TMTC1: variants seen among roughly 807,000 people sequenced by gnomAD.
TMTC1 encodes the protein protein O-mannosyl-transferase TMTC1.
Under a neutral mutation model 104.8 loss-of-function variants are expected in TMTC1, and 73 were observed. The observed-to-expected ratio is 0.70, with a 90% CI of 0.58 to 0.85. TMTC1 has a LOEUF of 0.85. TMTC1 is among the 40% of genes least tolerant of loss of function. The probability of loss-of-function intolerance (pLI) is 0.00; values close to 1 mark genes in which losing one functional copy is unlikely to be tolerated. For missense variants in TMTC1, 1,035 were observed against 1,096.1 expected (o/e 0.94, Z 0.79); for synonymous variants, 434 against 428.7 (o/e 1.01, Z -0.15).
chr12:29,557,088 C>A, intron 9 of TMTC1, 88 bp from the exon 10 acceptor site: 1 of 1,434,692 alleles, frequency 7.0e-7, no homozygotes, highest in African/African-American at 1.4e-5. Flanking sequence ...CAAGTATGAA[C>A]AGCCAAAATG....
intron 5 of TMTC1, among the ~76,000 whole-genome samples, chr12:29,730,252 C>T (rs115924370): frequency 0.036 from 5,468 of 152,262 alleles, 185 homozygotes; most frequent in African/African-American, 0.09. Flanking sequence ...CAAACCACTG[C>T]GTGCAGCCTA....
At chr12:29,565,686 A>C (rs1026729879) in intron 9 of TMTC1, among the ~76,000 whole-genome samples, 4 of 152,152 alleles carry the variant, frequency 2.6e-5, no homozygotes, top group Admixed American at 1.3e-4. Flanking sequence ...GCCTCTACTA[A>C]AAATTCCAAA....
At chr12:29,605,812 G>C (rs1053604114) in intron 6 of TMTC1, among the ~76,000 whole-genome samples, 1 of 152,140 alleles carries the variant, frequency 6.6e-6, no homozygotes, top group African/African-American at 2.4e-5. Context: ...CTGCCACCCA[G>C]AGAGTGAAAA....
In TMTC1 at chr12:29,691,551, A is replaced by T. The variant is rs936916693; in HGVS notation, c.939-58215T>A. Among the ~76,000 whole-genome samples the T allele has an allele frequency of 1.3e-4, 19 of 145,140 alleles. 2 individuals carry two copies. The highest frequency in any genetic ancestry group is 4.8e-4 in the African/African-American group (19 of 39,582). On this transcript the variant is annotated intron_variant, in intron 5 of 17. Coordinates refer to ENST00000539277, the MANE Select transcript of TMTC1 (RefSeq NM_001193451.2). ...CTGTCTAGGCAGCAGGCAAGGTGAA[A>T]CCCGTTGGGTGGTTACAGTGACTGT... is the stretch of plus-strand genomic sequence containing the variant.
At chr12:29,763,872 T>C (rs1943406117) in intron 2 of TMTC1, among the ~76,000 whole-genome samples, 2 of 152,114 alleles carry the variant, frequency 1.3e-5, no homozygotes, top group South Asian at 4.2e-4. Flanking sequence ...CATGGTGTGC[T>C]TCTGGAAGGG....
At chr12:29,530,656 C>T (rs1944477293) in intron 11 of TMTC1, among the ~76,000 whole-genome samples, 1 of 152,192 alleles carries the variant, frequency 6.6e-6, no homozygotes, top group African/African-American at 2.4e-5. Context: ...CCTGTCTTGC[C>T]CTTCCTCCTT....
chr12:29,694,533 ATT>A (rs58249121), intron 5 of TMTC1, among the ~76,000 whole-genome samples: 1 of 149,468 alleles, frequency 6.7e-6, no homozygotes, highest in Non-Finnish European at 1.5e-5. Context: ...TTATCTTTTA[ATT>A]TTTTTTTTTC....
chr12:29,636,001 G>C (rs746111055), intron 5 of TMTC1, among the ~76,000 whole-genome samples: 10 of 152,230 alleles, frequency 6.6e-5, no homozygotes, highest in Non-Finnish European at 8.8e-5. Flanking sequence ...AATACTGATT[G>C]GAAAGAGGCA....
At chr12:29,747,692 G>A (rs1010784119) in intron 5 of TMTC1, among the ~76,000 whole-genome samples, 19 of 152,126 alleles carry the variant, frequency 1.2e-4, no homozygotes, top group African/African-American at 4.6e-4. Context: ...AAACCCATAC[G>A]GGGAAAATAA....
chr12:29,600,257 T>C lies in TMTC1; in HGVS notation c.1250+3921A>G, dbSNP rs1457265907. On this transcript the variant is annotated intron_variant, in intron 7 of 17. Coordinates refer to ENST00000539277, the MANE Select transcript of TMTC1 (RefSeq NM_001193451.2). ...GCATCTGTAAAATCCTCCGTGGCTCTGGGGAAGATTTCAGAAACTCTTAGC... is the reference window on the plus strand; with the variant it reads ...GCATCTGTAAAATCCTCCGTGGCTCCGGGGAAGATTTCAGAAACTCTTAGC... 3.3e-5 allele frequency among the ~76,000 whole-genome samples: 5 copies of C among 152,144 alleles called. No individual in the cohort carries two copies. The East Asian group carries it at 9.6e-4, about 29-fold the overall frequency.
At chr12:29,669,797 T>C (rs986366003) in intron 5 of TMTC1, among the ~76,000 whole-genome samples, 2 of 152,334 alleles carry the variant, frequency 1.3e-5, no homozygotes, top group East Asian at 3.9e-4. Flanking sequence ...TAGTATGTAT[T>C]TGTATGGCAT....
intron 9 of TMTC1, among the ~76,000 whole-genome samples, chr12:29,557,621 T>C (rs887847458): frequency 2.0e-5 from 3 of 152,168 alleles, no homozygotes; most frequent in Non-Finnish European, 1.5e-5. Flanking sequence ...AGTTAATTTT[T>C]ATATTTTTAG....
intron 5 of TMTC1, among the ~76,000 whole-genome samples, chr12:29,727,833 C>T (rs1391255145): frequency 2.0e-5 from 3 of 151,948 alleles, no homozygotes; most frequent in South Asian, 2.1e-4. Context: ...CACTATTGAC[C>T]AGGCTAGAGT....
At position 29,502,429 on chromosome 12, in the gene TMTC1, G is replaced by T. The variant is rs1943614275; in HGVS notation, c.*4417C>A. The T allele has an allele frequency of 6.6e-6, 1 of 151,500 alleles. No individual in the cohort carries two copies. The highest frequency in any genetic ancestry group is 1.5e-5 in the Non-Finnish European group (1 of 67,974). 9.4% of individuals were successfully genotyped at this position (151,500 alleles called of 1,614,324 possible). The stretch of plus-strand genomic sequence containing the variant: ...GCCCAAAATAAAGATAGAGATGTAG[G>T]CATAAACTCTATACCATGGACACCT... On this transcript the variant is annotated 3_prime_UTR_variant, in exon 18 of 18. Coordinates refer to ENST00000539277, the MANE Select transcript of TMTC1 (RefSeq NM_001193451.2).
chr12:29,636,166 G>A lies in TMTC1; in HGVS notation c.939-2830C>T, dbSNP rs151107100. On this transcript the variant is annotated intron_variant, in intron 5 of 17. Coordinates refer to ENST00000539277, the MANE Select transcript of TMTC1 (RefSeq NM_001193451.2). The stretch of plus-strand genomic sequence containing the variant: ...TTTAAAATAATTGACGAAGAGGAAG[G>A]GAAAGAAAGTAGGTGGGATATGGAT... 5.5e-4 allele frequency among the ~76,000 whole-genome samples: 84 copies of A among 152,244 alleles called. 1 individual carries two copies. The highest frequency in any genetic ancestry group is 2.0e-3 in the African/African-American group (84 of 41,548).
intron 5 of TMTC1, among the ~76,000 whole-genome samples, chr12:29,664,082 G>A (rs1028031749): frequency 2.7e-5 from 4 of 150,330 alleles, no homozygotes; most frequent in Non-Finnish European, 6.0e-5. Flanking sequence ...AGCTACTTGG[G>A]AGGCTGAGGA....
chr12:29,720,087 A>G (rs903246872), intron 5 of TMTC1, among the ~76,000 whole-genome samples: 4 of 152,232 alleles, frequency 2.6e-5, no homozygotes, highest in Non-Finnish European at 5.9e-5. Flanking sequence ...TCGACCATGA[A>G]TTCTGAGGTG....
intron 6 of TMTC1, among the ~76,000 whole-genome samples, chr12:29,606,453 G>C (rs1353599524): frequency 1.3e-5 from 2 of 152,158 alleles, no homozygotes; most frequent in Non-Finnish European, 2.9e-5. Context: ...CTTGTCAAAT[G>C]TTCCTCATTC....
chr12:29,544,610 A>G (rs907129505), intron 10 of TMTC1, among the ~76,000 whole-genome samples: 2 of 152,192 alleles, frequency 1.3e-5, no homozygotes, highest in Non-Finnish European at 2.9e-5. Context: ...CTTCCTCTGC[A>G]TCTGCAGGGC....
Sources: allele counts gnomAD v4.1 joint callset (sites outside exome capture counted in the v4.1 genomes callset), GRCh38; gene constraint gnomAD v4.1.1; transcripts MANE v1.5; gene names NCBI Gene and HGNC (gene_info 2026-07-23, HGNC 2026-07-21).